LDB2: variants seen among roughly 807,000 people sequenced by gnomAD.
The protein encoded by LDB2 is LIM domain-binding protein 2.
A neutral mutation model predicts 44.3 loss-of-function variants in LDB2; 12 were observed. The ratio of observed to expected loss-of-function variants is 0.27; its 90% CI spans 0.17 to 0.44. The LOEUF (loss-of-function observed/expected upper bound fraction) is 0.44. LDB2 is among the 20% of genes least tolerant of loss of function. The pLI is 1.00. For missense variants in LDB2, 344 were observed against 473.5 expected (o/e 0.73, Z 2.54); for synonymous variants, 164 against 174.8 (o/e 0.94, Z 0.49).
At chr4:16,637,248 A>T (rs1233035039) in intron 2 of LDB2, among the ~76,000 whole-genome samples, 4 of 145,394 alleles carry the variant, frequency 2.8e-5, no homozygotes, top group Admixed American at 2.1e-4. Flanking sequence ...AGCAATCCCA[A>T]TTCTTTGTGA....
rs1221269436 is a variant in LDB2, at chr4:16,790,108, T to C, written c.133-30848A>G. ...TTGAAAGGTCTACAATGAATAACAG[T>C]AGCCAGTGATTAAAGCACCCACTAA... On this transcript the variant is annotated intron_variant, in intron 1 of 7. Transcript: ENST00000304523. Among the ~76,000 whole-genome samples the C allele has an allele frequency of 5.3e-5, 8 of 152,160 alleles. 1 individual carries two copies. The highest frequency in any genetic ancestry group is 3.3e-4 in the Admixed American group (5 of 15,270).
chr4:16,706,371 G>A (rs1042844845), intron 2 of LDB2, among the ~76,000 whole-genome samples: 2 of 152,126 alleles, frequency 1.3e-5, no homozygotes, highest in Non-Finnish European at 2.9e-5. Context: ...CCCCTTCTGC[G>A]ACCTAAGGAC....
rs1747903112 is a variant in LDB2 at position 16,575,325 on chromosome 4, G to A, written c.615+10597C>T. Among the ~76,000 whole-genome samples, 2 of 152,146 alleles carry A rather than the reference G, an allele frequency of 1.3e-5. 1 individual carries two copies. Among genetic ancestry groups the A allele is most frequent in the South Asian group, 4.1e-4 (2 of 4,826 alleles). On this transcript the variant is annotated intron_variant, in intron 5 of 7. Transcript: ENST00000304523. Reference sequence around the variant, plus strand: ...ATCTTTTGGCTGAGATACAGGATAAGATGTTTTAAAGTCATGTAAAACATA... The same window carrying A: ...ATCTTTTGGCTGAGATACAGGATAAAATGTTTTAAAGTCATGTAAAACATA...
At chr4:16,762,874 G>A (rs1768241090) in intron 1 of LDB2, among the ~76,000 whole-genome samples, 1 of 152,142 alleles carries the variant, frequency 6.6e-6, no homozygotes, top group Admixed American at 6.5e-5. Flanking sequence ...GAGGTTCGAG[G>A]AATGTCTATG....
intron 5 of LDB2, among the ~76,000 whole-genome samples, chr4:16,515,402 C>T (rs1341050134): frequency 1.3e-5 from 2 of 152,204 alleles, no homozygotes; most frequent in African/African-American, 2.4e-5. Context: ...CAAACCTGCA[C>T]ATGTACTTCC....
chr4:16,852,946 A>G (rs550766157), intron 1 of LDB2, among the ~76,000 whole-genome samples: 3 of 152,296 alleles, frequency 2.0e-5, no homozygotes, highest in Admixed American at 1.3e-4. Context: ...AAGTTTAGAA[A>G]AATCTTTGGC....
At chr4:16,706,725 C>T (rs1425430481) in intron 2 of LDB2, among the ~76,000 whole-genome samples, 3 of 152,244 alleles carry the variant, frequency 2.0e-5, no homozygotes, top group South Asian at 2.1e-4. Context: ...TAGAAGAAAT[C>T]TGGGGAGACT....
At chr4:16,683,004 A>G (rs1391947648) in intron 2 of LDB2, among the ~76,000 whole-genome samples, 1 of 152,194 alleles carries the variant, frequency 6.6e-6, no homozygotes, top group Non-Finnish European at 1.5e-5. Context: ...TGCCTTTCCT[A>G]TTTACAAATC....
At chr4:16,820,758 AAAAC>A (rs1464033716) in intron 1 of LDB2, among the ~76,000 whole-genome samples, 1 of 152,222 alleles carries the variant, frequency 6.6e-6, no homozygotes, top group Non-Finnish European at 1.5e-5. Context: ...GAGAGAAAAA[AAAAC>A]AGAGAACAGA....
chr4:16,770,537 T>A (rs1299127885), intron 1 of LDB2, among the ~76,000 whole-genome samples: 3 of 152,004 alleles, frequency 2.0e-5, no homozygotes, highest in Non-Finnish European at 4.4e-5. Context: ...AATTTTCTTA[T>A]CCCAATGTCA....
At chr4:16,696,447 G>C (rs1752146771) in intron 2 of LDB2, among the ~76,000 whole-genome samples, 1 of 152,046 alleles carries the variant, frequency 6.6e-6, no homozygotes, top group African/African-American at 2.4e-5. Context: ...TTTTTTCAAA[G>C]GAGTTAGTAT....
chr4:16,505,689 C>T (rs573928604), intron 7 of LDB2, among the ~76,000 whole-genome samples: 1 of 151,596 alleles, frequency 6.6e-6, no homozygotes, highest in Non-Finnish European at 1.5e-5. Context: ...TGTGTGTCCA[C>T]GAGAGACAAC....
chr4:16,847,613 G>A (rs201441528), intron 1 of LDB2, among the ~76,000 whole-genome samples: 6,750 of 152,072 alleles, frequency 0.044, 387 homozygotes, highest in East Asian at 0.17. Flanking sequence ...TTGTTTGTTT[G>A]TTTGTTTGTT....
chr4:16,768,146 C>G (rs1002629285), intron 1 of LDB2, among the ~76,000 whole-genome samples: 2 of 152,082 alleles, frequency 1.3e-5, no homozygotes, highest in African/African-American at 4.8e-5. Flanking sequence ...ACATACACCC[C>G]CTCCAAAGAA....
chr4:16,852,931 A>C (rs1467600310), intron 1 of LDB2, among the ~76,000 whole-genome samples: 1 of 152,158 alleles, frequency 6.6e-6, no homozygotes, highest in African/African-American at 2.4e-5. Context: ...AAGAAAGATC[A>C]CTTTAAGTTT....
At chr4:16,819,885 A>G (rs1781626011) in intron 1 of LDB2, among the ~76,000 whole-genome samples, 1 of 152,196 alleles carries the variant, frequency 6.6e-6, no homozygotes, top group Non-Finnish European at 1.5e-5. Flanking sequence ...GTCAACATAA[A>G]TTGCGGATGA....
At chr4:16,556,403 TCTTC>T (rs1026027162) in intron 5 of LDB2, among the ~76,000 whole-genome samples, 1 of 152,216 alleles carries the variant, frequency 6.6e-6, no homozygotes, top group Non-Finnish European at 1.5e-5. Flanking sequence ...AAGCAATACA[TCTTC>T]CTTTTTAGAA....
At position 16,860,998 on chromosome 4, in the gene LDB2, G is replaced by T. The variant is rs112001031; in HGVS notation, c.132+37356C>A. On this transcript the variant is annotated intron_variant, in intron 1 of 7. Coordinates refer to ENST00000304523, the MANE Select transcript of LDB2 (RefSeq NM_001290.5). ...GGATTCTGTAGCTTAAATATACTAG[G>T]CATGATAACTCAAAAGACCTCCCCA... 2.1e-4 allele frequency among the ~76,000 whole-genome samples: 32 copies of T among 152,248 alleles called. 2 individuals carry two copies. Among genetic ancestry groups the T allele is most frequent in the African/African-American group, 7.5e-4 (31 of 41,550 alleles).
chr4:16,662,614 A>G (rs1178359313), intron 2 of LDB2, among the ~76,000 whole-genome samples: 1 of 151,938 alleles, frequency 6.6e-6, no homozygotes, highest in African/African-American at 2.4e-5. Context: ...ACCCAGTGGG[A>G]TGTAATTGAA....
Sources: allele counts gnomAD v4.1 joint callset (sites outside exome capture counted in the v4.1 genomes callset), GRCh38; gene constraint gnomAD v4.1.1; transcripts MANE v1.5; gene names NCBI Gene and HGNC (gene_info 2026-07-23, HGNC 2026-07-21).